Variants in DCT observed in about 807,000 individuals in gnomAD.
DCT encodes dopachrome tautomerase.
DCT carries 47 observed loss-of-function variants against 53.0 expected under a neutral mutation model. That is an observed-to-expected ratio of 0.89 (90% CI 0.70 to 1.13). The LOEUF (loss-of-function observed/expected upper bound fraction) is 1.13, where lower values mean the gene tolerates loss of function less well. Among genes scored for constraint, DCT ranks in the 50% most tolerant of loss-of-function variants. The probability of loss-of-function intolerance (pLI) is 0.00; values close to 1 mark genes in which losing one functional copy is unlikely to be tolerated. For missense variants in DCT, 669 were observed against 637.4 expected (o/e 1.05, Z -0.53); for synonymous variants, 244 against 237.0 (o/e 1.03, Z -0.27).
chr13:94,514,004 A>AG, the DCT span, among the ~76,000 whole-genome samples: 3 of 151,486 alleles, frequency 2.0e-5, no homozygotes, highest in Non-Finnish European at 4.4e-5. Flanking sequence ...AAAAAAAAAA[A>AG]AAAAAAAGAT....
chr13:94,516,806 CT>C, the DCT span, among the ~76,000 whole-genome samples: 52,781 of 151,640 alleles, frequency 0.35, 9,605 homozygotes, highest in East Asian at 0.61. Context: ...CAAATGTAGC[CT>C]CTCAACCTTG....
chr13:94,463,072 C>T (rs1472478913), intron 4 of DCT, among the ~76,000 whole-genome samples: 1 of 152,148 alleles, frequency 6.6e-6, no homozygotes, highest in South Asian at 2.1e-4. Context: ...ACATTATATC[C>T]TACACGCCTG....
chr13:94,499,790 C>A, the DCT span, among the ~76,000 whole-genome samples: 1 of 152,102 alleles, frequency 6.6e-6, no homozygotes, highest in African/African-American at 2.4e-5. Flanking sequence ...TGTGTTCCAG[C>A]CCTTCACTCT....
intron 6 of DCT, among the ~76,000 whole-genome samples, chr13:94,455,082 G>T (rs1268190035): frequency 6.6e-6 from 1 of 152,138 alleles, no homozygotes; most frequent in Non-Finnish European, 1.5e-5. Context: ...GGAGAAATAT[G>T]ACTAAAGGGA....
At chr13:94,548,577 TC>T in the DCT span, among the ~76,000 whole-genome samples, 1 of 152,002 alleles carries the variant, frequency 6.6e-6, no homozygotes, top group African/African-American at 2.4e-5. Context: ...CTGGCTCAGT[TC>T]CCACCAGCCA....
At chr13:94,441,974 G>T (rs944992978) in intron 7 of DCT, among the ~76,000 whole-genome samples, 2 of 152,076 alleles carry the variant, frequency 1.3e-5, no homozygotes, top group Non-Finnish European at 2.9e-5. Context: ...AATGCACAAG[G>T]ATTCCAATTT....
intron 6 of DCT, among the ~76,000 whole-genome samples, chr13:94,452,887 ATTTG>A (rs1883188270): frequency 1.3e-5 from 2 of 152,138 alleles, no homozygotes; most frequent in Non-Finnish European, 2.9e-5. Flanking sequence ...ATATAAACAT[ATTTG>A]TTTGTGTATT....
At chr13:94,489,802 A>T in the DCT span, among the ~76,000 whole-genome samples, 3 of 152,142 alleles carry the variant, frequency 2.0e-5, no homozygotes, top group African/African-American at 7.2e-5. Context: ...ATGTCTAAGC[A>T]TCTAATTATA....
chr13:94,448,299 C>T (rs1404794252), intron 6 of DCT, among the ~76,000 whole-genome samples: 1 of 152,078 alleles, frequency 6.6e-6, no homozygotes, highest in African/African-American at 2.4e-5. Context: ...ATACAGAGTA[C>T]CCAAATTATA....
the DCT span, among the ~76,000 whole-genome samples, chr13:94,535,037 C>G: frequency 2.0e-5 from 3 of 152,242 alleles, no homozygotes; most frequent in Non-Finnish European, 4.4e-5. Flanking sequence ...GCCACTGCAC[C>G]TGGCCCAAAT....
At chr13:94,522,139 G>A in the DCT span, among the ~76,000 whole-genome samples, 1 of 152,178 alleles carries the variant, frequency 6.6e-6, no homozygotes, top group African/African-American at 2.4e-5. Context: ...AACTTGATTG[G>A]ATTGAAGGAT....
At chr13:94,490,524 A>C in the DCT span, among the ~76,000 whole-genome samples, 15 of 148,440 alleles carry the variant, frequency 1.0e-4, no homozygotes, top group Non-Finnish European at 1.9e-4. Flanking sequence ...AAAAAAAAAA[A>C]AAAAAAACAA....
At chr13:94,499,355 C>T in the DCT span, among the ~76,000 whole-genome samples, 1 of 152,072 alleles carries the variant, frequency 6.6e-6, no homozygotes. Context: ...CATTTAGCTT[C>T]CTGATTAAAA....
the DCT span, among the ~76,000 whole-genome samples, chr13:94,501,201 G>C: frequency 6.6e-6 from 1 of 152,168 alleles, no homozygotes. Context: ...CCCGGGAGGC[G>C]GAGCTTGCAG....
At chr13:94,526,868 C>G in the DCT span, among the ~76,000 whole-genome samples, 20,033 of 152,068 alleles carry the variant, frequency 0.13, 1,681 homozygotes, top group South Asian at 0.23. Context: ...CTTTCCTAGC[C>G]AAGGGAAGCC....
At chr13:94,526,707 G>A in the DCT span, among the ~76,000 whole-genome samples, 5 of 152,306 alleles carry the variant, frequency 3.3e-5, no homozygotes, top group African/African-American at 7.2e-5. Flanking sequence ...CGAGATTGAC[G>A]CAAAAGATGG....
At chr13:94,537,899 C>T in the DCT span, among the ~76,000 whole-genome samples, 1 of 152,160 alleles carries the variant, frequency 6.6e-6, no homozygotes, top group African/African-American at 2.4e-5. Context: ...GATTATGATG[C>T]AGTGGTGACC....
the DCT span, among the ~76,000 whole-genome samples, chr13:94,521,210 G>A: frequency 1.3e-5 from 2 of 152,018 alleles, no homozygotes; most frequent in African/African-American, 4.8e-5. Context: ...TCTAAAACAG[G>A]GACAAAAACC....
chr13:94,478,856 C>A, intron 1 of DCT, 105 bp downstream of exon 1: 1 of 1,212,182 alleles, frequency 8.2e-7, no homozygotes. Flanking sequence ...GTTTGCCTTT[C>A]AAAGCCTAAT....
Sources: allele counts gnomAD v4.1 joint callset (sites outside exome capture counted in the v4.1 genomes callset), GRCh38; gene constraint gnomAD v4.1.1; transcripts MANE v1.5; gene names NCBI Gene and HGNC (gene_info 2026-07-23, HGNC 2026-07-21).